The following DOCK3 variants were observed in gnomAD, a reference collection of about 807,000 sequenced individuals.
DOCK3 encodes dedicator of cytokinesis protein 3.
Under a neutral mutation model 265.6 loss-of-function variants are expected in DOCK3, and 60 were observed. That is an observed-to-expected ratio of 0.23 (90% confidence interval 0.18 to 0.28). The LOEUF is 0.28. Among genes scored for constraint, DOCK3 ranks in the 10% least tolerant of loss-of-function variants. DOCK3 has a pLI of 1.00. For synonymous variants in DOCK3, 881 were observed against 938.0 expected (o/e 0.94, Z 1.11); for missense variants, 1,981 against 2,594.3 (o/e 0.76, Z 5.14).
chr3:50,742,215 C>T (rs1299399130), intron 1 of DOCK3, among the ~76,000 whole-genome samples: 2 of 151,892 alleles, frequency 1.3e-5, no homozygotes, highest in Non-Finnish European at 1.5e-5. Context: ...TCATCAAAGA[C>T]CAAAAGTAGA....
chr3:51,144,937 G>A (rs539193422), intron 9 of DOCK3, among the ~76,000 whole-genome samples: 1 of 152,138 alleles, frequency 6.6e-6, no homozygotes, highest in African/African-American at 2.4e-5. Context: ...TTTACAGTTG[G>A]TAGTAAATCT....
At chr3:51,366,232 A>T (rs2087151370) in intron 49 of DOCK3, among the ~76,000 whole-genome samples, 2 of 152,202 alleles carry the variant, frequency 1.3e-5, no homozygotes, top group Admixed American at 6.5e-5. Context: ...GTATGTGTCC[A>T]GGAATTTATC....
chr3:51,147,509 G>C (rs747302455), intron 10 of DOCK3, among the ~76,000 whole-genome samples: 1 of 152,028 alleles, frequency 6.6e-6, no homozygotes, highest in Non-Finnish European at 1.5e-5. Flanking sequence ...CACCACAACA[G>C]GCCCCCATGT....
chr3:51,315,784 T>A (rs1420548708), intron 32 of DOCK3, among the ~76,000 whole-genome samples: 1 of 152,020 alleles, frequency 6.6e-6, no homozygotes, highest in Non-Finnish European at 1.5e-5. Flanking sequence ...CAGGCCTGCT[T>A]TGGGAGATAG....
At chr3:51,235,267 CAT>C (rs1305563724) in intron 19 of DOCK3, among the ~76,000 whole-genome samples, 5 of 152,158 alleles carry the variant, frequency 3.3e-5, no homozygotes. Flanking sequence ...AAGATAAATT[CAT>C]ACTCATATTT....
intron 7 of DOCK3, among the ~76,000 whole-genome samples, chr3:51,076,219 A>G (rs2082051652): frequency 6.6e-6 from 1 of 152,222 alleles, no homozygotes; most frequent in Non-Finnish European, 1.5e-5. Context: ...GTTTGTGTGT[A>G]CTTACTAGCA....
chr3:51,275,416 C>T (rs536937632), intron 25 of DOCK3, among the ~76,000 whole-genome samples: 1 of 152,296 alleles, frequency 6.6e-6, no homozygotes, highest in East Asian at 1.9e-4. Context: ...AAAGGTTGCA[C>T]TACCATAAAT....
At chr3:51,046,402 C>G (rs2080778746) in intron 5 of DOCK3, among the ~76,000 whole-genome samples, 1 of 151,956 alleles carries the variant, frequency 6.6e-6, no homozygotes, top group African/African-American at 2.4e-5. Context: ...AAAAAATATT[C>G]CATAAAAATG....
At chr3:50,777,175 G>A (rs1160269486) in intron 1 of DOCK3, among the ~76,000 whole-genome samples, 1 of 152,088 alleles carries the variant, frequency 6.6e-6, no homozygotes, top group Admixed American at 6.6e-5. Context: ...GATCTGGGTG[G>A]GGACACAGAG....
intron 3 of DOCK3, among the ~76,000 whole-genome samples, chr3:50,861,362 T>G (rs1475579215): frequency 6.6e-6 from 1 of 152,196 alleles, no homozygotes; most frequent in Non-Finnish European, 1.5e-5. Context: ...AATGGTCAAT[T>G]TTTAAGAATG....
At chr3:51,149,555 A>G (rs1356671275) in intron 10 of DOCK3, among the ~76,000 whole-genome samples, 2 of 152,142 alleles carry the variant, frequency 1.3e-5, no homozygotes, top group African/African-American at 2.4e-5. Context: ...ATGAAGGGCT[A>G]TTGAATTTCG....
intron 3 of DOCK3, among the ~76,000 whole-genome samples, chr3:50,856,891 G>A (rs1013052481): frequency 3.3e-5 from 5 of 152,172 alleles, no homozygotes; most frequent in South Asian, 2.1e-4. Context: ...TTTATCATGA[G>A]GGATGTTGAA....
At chr3:51,103,532 A>G (rs944034054) in intron 9 of DOCK3, among the ~76,000 whole-genome samples, 3 of 152,208 alleles carry the variant, frequency 2.0e-5, no homozygotes, top group African/African-American at 7.2e-5. Context: ...CAAAAAATTG[A>G]TAAGCTACTC....
At position 51,124,988 on chromosome 3, in the gene DOCK3, A is replaced by T. The variant is rs923413603; in HGVS notation, c.747-21561A>T. ...CTACTAAAAAAAAAAAAAAAAAAAA[A>T]ATTAGCCAGATTTGGTGGCGTGTTC... On this transcript the variant is annotated intron_variant, in intron 9 of 52. Coordinates refer to ENST00000266037, the MANE Select transcript of DOCK3 (RefSeq NM_004947.5). Among the ~76,000 whole-genome samples the T allele has an allele frequency of 5.0e-5, 5 of 100,808 alleles. No homozygotes were observed. The East Asian group carries it at 1.6e-3, about 32-fold the overall frequency. 66.1% of individuals were successfully genotyped at this position (100,808 alleles called of 152,430 possible).
intron 12 of DOCK3, among the ~76,000 whole-genome samples, chr3:51,199,766 T>C (rs2088585182): frequency 6.6e-6 from 1 of 152,176 alleles, no homozygotes; most frequent in Non-Finnish European, 1.5e-5. Context: ...CTGAGCAGCC[T>C]AACTGGGAGG....
intron 5 of DOCK3, among the ~76,000 whole-genome samples, chr3:51,057,984 T>C (rs559178417): frequency 1.4e-3 from 208 of 152,350 alleles, no homozygotes; most frequent in Non-Finnish European, 2.4e-3. Context: ...AAAATAACTA[T>C]ATTTTTCATT....
intron 1 of DOCK3, among the ~76,000 whole-genome samples, chr3:50,729,474 G>T (rs979952507): frequency 2.6e-5 from 4 of 151,496 alleles, no homozygotes; most frequent in Non-Finnish European, 5.9e-5. Context: ...GTGCCATGCT[G>T]GTGCGCTGCA....
intron 1 of DOCK3, among the ~76,000 whole-genome samples, chr3:50,753,301 G>A (rs777566538): frequency 1.6e-4 from 25 of 152,090 alleles, no homozygotes; most frequent in Middle Eastern, 3.4e-3. Context: ...ATACCTTTTC[G>A]TATAAATAGA....
At chr3:51,225,913 A>G in intron 15 of DOCK3, 140 bp downstream of exon 15, 3 of 1,164,068 alleles carry the variant, frequency 2.6e-6, no homozygotes, top group Non-Finnish European at 3.5e-6. Context: ...TCTTTCTTGA[A>G]GAAAACTCTA....
Sources: gnomAD v4.1 joint callset for allele counts (sites outside exome capture counted in the v4.1 genomes callset) on GRCh38, gnomAD v4.1.1 for gene constraint, MANE v1.5 for transcripts, NCBI Gene and HGNC (gene_info 2026-07-23, HGNC 2026-07-21) for gene names.